ICA1: variants seen among roughly 807,000 people sequenced by gnomAD.
The protein encoded by ICA1 is 69 kDa islet cell autoantigen.
In ICA1, 40 loss-of-function variants were observed where a neutral mutation model predicts 71.0. That is an observed-to-expected ratio of 0.56 (90% CI 0.44 to 0.73). The LOEUF (loss-of-function observed/expected upper bound fraction) is 0.73. ICA1 is among the 30% of genes least tolerant of loss of function. The pLI, the probability that ICA1 is intolerant of heterozygous loss-of-function variation, is 0.00. For synonymous variants in ICA1, 207 were observed against 209.5 expected (o/e 0.99, Z 0.10); for missense variants, 578 against 576.5 (o/e 1.00, Z -0.03).
chr7:8,238,709 G>T (rs1802684053), intron 1 of ICA1, among the ~76,000 whole-genome samples: 3 of 151,962 alleles, frequency 2.0e-5, no homozygotes, highest in Admixed American at 2.0e-4. Context: ...TATAGTATGT[G>T]TTATTTATAG....
chr7:8,221,212 A>C, intron 5 of ICA1, 63 bp downstream of exon 5: 1 of 1,599,710 alleles, frequency 6.3e-7, no homozygotes, highest in South Asian at 1.1e-5. Context: ...CCCTTTCGTG[A>C]GTAGGTGGGT....
In ICA1 at chr7:8,157,218, CA is replaced by C. The variant is rs1801931514; in HGVS notation, c.706-5del. The C allele has an allele frequency of 6.3e-7, 1 of 1,595,226 alleles. No individual in the cohort carries two copies. Among genetic ancestry groups the C allele is most frequent in the African/African-American group, 1.4e-5 (1 of 73,728 alleles). ...CCCAAAAATGAAGCAGAGTGGTCTG[CA>C]AAGAAAGACAGTAAAGCTATTAATG... On this transcript the variant is annotated splice_polypyrimidine_tract_variant and splice_region_variant and intron_variant, in intron 7 of 13. Coordinates refer to ENST00000402384, the MANE Select transcript of ICA1 (RefSeq NM_001136020.3).
chr7:8,114,282 C>T (rs2127985075), intron 13 of ICA1, among the ~76,000 whole-genome samples: 1 of 152,268 alleles, frequency 6.6e-6, no homozygotes, highest in Middle Eastern at 3.4e-3. Context: ...TAACAAACTC[C>T]CACCTGCACC....
intron 3 of ICA1, among the ~76,000 whole-genome samples, chr7:8,229,992 G>A (rs1477526976): frequency 6.6e-6 from 1 of 152,138 alleles, no homozygotes. Flanking sequence ...AAAAATTGAG[G>A]TATAAATTAA....
At chr7:8,155,002 T>C (rs1341409536) in intron 8 of ICA1, among the ~76,000 whole-genome samples, 1 of 152,180 alleles carries the variant, frequency 6.6e-6, no homozygotes, top group African/African-American at 2.4e-5. Context: ...AACCCGTAAT[T>C]ACTTTTGAAC....
In ICA1 at chr7:8,221,339, T is replaced by C. The variant is rs556581184; in HGVS notation, c.316A>G (p.Lys106Glu). The C allele has an allele frequency of 1.9e-6, 3 of 1,613,794 alleles. No individual in the cohort carries two copies. The highest frequency in any genetic ancestry group is 2.7e-5 in the African/African-American group (2 of 75,020). ...KFLRSQGFQD[K>E]TRAGKMMQAT... ...TGCATCATCTTTCCTGCTCTGGTTT[T>C]ATCTTGGAAACCTTGGGATCGAAGA... The change falls in exon 5 of 14, where the codon AAA becomes GAA. Residue 106 changes from lysine to glutamate, a missense_variant. By Grantham distance (56) the Lys-to-Glu change is moderately conservative. Coordinates refer to ENST00000402384, the MANE Select transcript of ICA1 (RefSeq NM_001136020.3).
chr7:8,246,918 T>C (rs1208568408), intron 1 of ICA1, among the ~76,000 whole-genome samples: 2 of 152,124 alleles, frequency 1.3e-5, no homozygotes, highest in African/African-American at 4.8e-5. Context: ...GGCTAAGTTT[T>C]TGTATTTTTA....
intron 6 of ICA1, among the ~76,000 whole-genome samples, chr7:8,162,711 G>A (rs2128210080): frequency 6.6e-6 from 1 of 152,228 alleles, no homozygotes; most frequent in African/African-American, 2.4e-5. Context: ...TTATTTCTTA[G>A]TTTTATTTCT....
chr7:8,214,718 C>A (rs3807819), intron 6 of ICA1, among the ~76,000 whole-genome samples: 62,964 of 151,990 alleles, frequency 0.41, 15,265 homozygotes, highest in African/African-American at 0.69. Flanking sequence ...CTGTGCTTCA[C>A]AGGGTGCCAG....
intron 6 of ICA1, among the ~76,000 whole-genome samples, chr7:8,189,028 C>T (rs968921770): frequency 2.6e-5 from 4 of 152,126 alleles, no homozygotes; most frequent in Non-Finnish European, 5.9e-5. Flanking sequence ...GGAGTGAGCC[C>T]GCGAGCCAAC....
chr7:8,213,299 TA>T (rs1199555113), intron 6 of ICA1, among the ~76,000 whole-genome samples: 5 of 152,322 alleles, frequency 3.3e-5, no homozygotes, highest in Admixed American at 2.6e-4. Context: ...CTACCTCCTT[TA>T]TATATGAATT....
At chr7:8,209,519 T>C (rs567664052) in intron 6 of ICA1, among the ~76,000 whole-genome samples, 19 of 152,348 alleles carry the variant, frequency 1.2e-4, no homozygotes, top group South Asian at 8.3e-4. Flanking sequence ...AGATGCATAT[T>C]ATGTTTATTT....
At chr7:8,231,172 G>A (rs1354226139) in intron 3 of ICA1, among the ~76,000 whole-genome samples, 1 of 152,166 alleles carries the variant, frequency 6.6e-6, no homozygotes, top group African/African-American at 2.4e-5. Context: ...GAAGATGTGG[G>A]GAAACAGTGT....
At chr7:8,153,312 T>C (rs1279068862) in intron 8 of ICA1, among the ~76,000 whole-genome samples, 4 of 152,292 alleles carry the variant, frequency 2.6e-5, no homozygotes, top group South Asian at 2.1e-4. Context: ...GGCACTCTGA[T>C]CTCCTTAAAA....
intron 6 of ICA1, among the ~76,000 whole-genome samples, chr7:8,180,173 T>C (rs1781781462): frequency 6.6e-6 from 1 of 152,082 alleles, no homozygotes; most frequent in Admixed American, 6.6e-5. Context: ...CTCCCTTGTA[T>C]TCTATCCCCA....
intron 1 of ICA1, among the ~76,000 whole-genome samples, chr7:8,254,984 C>A (rs76127747): frequency 6.6e-6 from 1 of 152,160 alleles, no homozygotes. Context: ...CCTTCTGTCA[C>A]AGTTTCCACT....
At chr7:8,192,236 T>C (rs1785910552) in intron 6 of ICA1, among the ~76,000 whole-genome samples, 1 of 152,234 alleles carries the variant, frequency 6.6e-6, no homozygotes, top group South Asian at 2.1e-4. Flanking sequence ...TCTAAAATCA[T>C]ACACTGCATT....
At chr7:8,117,663 T>G (rs1261192988) in intron 13 of ICA1, among the ~76,000 whole-genome samples, 2 of 152,224 alleles carry the variant, frequency 1.3e-5, no homozygotes, top group African/African-American at 4.8e-5. Flanking sequence ...GGGATCATTG[T>G]GCTTAAAACT....
intron 8 of ICA1, among the ~76,000 whole-genome samples, chr7:8,150,588 C>T (rs1396406291): frequency 6.6e-6 from 1 of 152,170 alleles, no homozygotes; most frequent in Non-Finnish European, 1.5e-5. Context: ...AATTCTACAA[C>T]TAGTTAAGAA....
Sources: gnomAD v4.1 joint callset for allele counts (sites outside exome capture counted in the v4.1 genomes callset) on GRCh38, gnomAD v4.1.1 for gene constraint, MANE v1.5 for transcripts, NCBI Gene and HGNC (gene_info 2026-07-23, HGNC 2026-07-21) for gene names.